TRIM65: variants seen among roughly 807,000 people sequenced by gnomAD.
TRIM65 encodes E3 ubiquitin-protein ligase TRIM65.
In TRIM65, 46 loss-of-function variants were observed where a neutral mutation model predicts 36.1. The ratio of observed to expected loss-of-function variants is 1.27; its 90% CI spans 1.01 to 1.63. TRIM65 has a LOEUF of 1.63. Among genes scored for constraint, TRIM65 ranks in the 40% most tolerant of loss-of-function variants. The pLI is 0.00. For synonymous variants in TRIM65, 346 were observed against 313.6 expected (o/e 1.10, Z -1.09); for missense variants, 708 against 696.6 (o/e 1.02, Z -0.18).
At position 75,896,712 on chromosome 17, in the gene TRIM65, C is replaced by G; in HGVS notation, c.226G>C (p.Gly76Arg). ...LSGVLEVVRA[G>R]PARDPGPDPG... is the part of the protein sequence containing the mutation. The stretch of plus-strand genomic sequence containing the variant: ...TCGGGGCCGGGATCCCGGGCGGGCC[C>G]GGCGCGCACCACCTCCAGCACGCCG... Residue 76 changes from glycine to arginine, a missense_variant, in exon 1 of 6, where the codon GGG (glycine) becomes CGG (arginine). Gly to Arg is a moderately radical substitution (Grantham distance 125). Transcript: ENST00000269383. 7.2e-7 allele frequency: 1 copy of G among 1,381,812 alleles called. No homozygotes were observed. Among genetic ancestry groups the G allele is most frequent in the Non-Finnish European group, 9.3e-7 (1 of 1,069,742 alleles). The allele number at this position is 1,381,812 out of a possible 1,614,324, so 85.6% of individuals were successfully genotyped here.
At chr17:75,883,815 C>T (rs2065185994) in intron 4 of TRIM65, among the ~76,000 whole-genome samples, 1 of 152,240 alleles carries the variant, frequency 6.6e-6, no homozygotes, top group South Asian at 2.1e-4. Flanking sequence ...GCGTGAGCCA[C>T]CGCGCCTGGC....
chr17:75,883,827 T>G (rs2065186214), intron 4 of TRIM65, among the ~76,000 whole-genome samples: 1 of 152,106 alleles, frequency 6.6e-6, no homozygotes, highest in Non-Finnish European at 1.5e-5. Flanking sequence ...GCGCCTGGCT[T>G]TTTATGTATT....
Position 75,892,046 on chromosome 17 carries a change from C to G in TRIM65, c.884G>C (p.Gly295Ala). Reference protein sequence around the residue: ...GLLLEEGSHPGAPAKPVDLAP... With the variant: ...GLLLEEGSHPAAPAKPVDLAP... ...TAAGTCCACAGGCTTGGCTGGTGCC[C>G]CAGGGTGGCTCCCCTCTTCCAAGAG... The change falls in exon 4 of 6, where the codon GGG (glycine) becomes GCG (alanine). Residue 295 changes from glycine (G) to alanine (A), a missense_variant. By Grantham distance (60) the Gly-to-Ala change is moderately conservative. Coordinates refer to ENST00000269383, the MANE Select transcript of TRIM65 (RefSeq NM_173547.4). The G allele has an allele frequency of 6.4e-7, 1 of 1,551,520 alleles. No individual in the cohort carries two copies. The highest frequency in any genetic ancestry group is 8.7e-7 in the Non-Finnish European group (1 of 1,146,984).
In TRIM65 at chr17:75,891,231, A is replaced by G. The variant is rs765351587; in HGVS notation, c.1102T>C (p.Phe368Leu). The G allele has an allele frequency of 2.3e-5, 37 of 1,612,624 alleles. No homozygotes were observed. The highest frequency in any genetic ancestry group is 3.1e-5 in the Non-Finnish European group (36 of 1,180,002). Residue 368 changes from phenylalanine (F) to leucine (L), a missense_variant, in exon 6 of 6, where the codon TTT becomes CTT. Transcript: ENST00000269383. ...QSRGPGGPGS[F>L]ELWQVQCAQS... ...GCACATTGCACCTGCCAGAGCTCAA[A>G]GCTGCCGGGCCCGCCTGGGCCCCGG...
intron 5 of TRIM65, 33 bp from the exon 6 acceptor site, chr17:75,891,380 G>T: frequency 6.2e-7 from 1 of 1,606,464 alleles, no homozygotes; most frequent in African/African-American, 1.3e-5. Context: ...AGTGGGCTGG[G>T]GGAAGACAGC....
rs2065250494 is a variant in TRIM65 at position 75,890,604 on chromosome 17, A to G, written c.*175T>C. On this transcript the variant is annotated 3_prime_UTR_variant, in exon 6 of 6. Transcript: ENST00000269383. ...CCCCCTCCTAGACTGTGTCCCCTTC[A>G]AAAAGGCTGCAACAGTGAACTCTGC... 5.3e-6 allele frequency: 3 copies of G among 568,668 alleles called. No individual in the cohort carries two copies. In the South Asian group the frequency reaches 8.4e-5, roughly 16 times the overall value. The allele number at this position is 568,668 out of a possible 1,614,324, so 35.2% of individuals were successfully genotyped here.
downstream of TRIM65, among the ~76,000 whole-genome samples, chr17:75,886,415 A>G (rs972336904): frequency 4.0e-5 from 6 of 149,798 alleles, no homozygotes; most frequent in Non-Finnish European, 3.0e-5. Flanking sequence ...CCAGCTACTC[A>G]GGAGGCTGAG....
chr17:75,891,307 A>T lies in TRIM65; in HGVS notation c.1026T>A (p.Arg342=). 1.9e-6 allele frequency: 3 copies of T among 1,613,188 alleles called. No individual in the cohort carries two copies. Among genetic ancestry groups the T allele is most frequent in the Non-Finnish European group, 2.5e-6 (3 of 1,179,996 alleles). ...NLTFDPVSAN[R]HFYLSRQDQQ... ...GGTCCTGGCGCGACAGATAGAAGTG[A>T]CGGTTGGCGCTGACTGGATCAAAGG... Residue 342 remains arginine (R), a synonymous_variant, in exon 6 of 6, where the codon CGT becomes CGA. Coordinates refer to ENST00000269383, the MANE Select transcript of TRIM65 (RefSeq NM_173547.4).
Position 75,888,996 on chromosome 17 carries a change from C to A in TRIM65, c.*1783G>T, listed in dbSNP as rs1432451596. On this transcript the variant is annotated 3_prime_UTR_variant, in exon 6 of 6. Transcript: ENST00000269383. ...AAAAGTTTTATTGTGAAATATTTAT[C>A]CATGAGTACATATAACATAGATGTC... 3 of 151,812 alleles carry A rather than the reference C, an allele frequency of 2.0e-5. No individual in the cohort carries two copies. The Middle Eastern group carries it at 0.01, about 516-fold the overall frequency. The allele number at this position is 151,812 out of a possible 1,614,324, so 9.4% of individuals were successfully genotyped here.
intron 1 of TRIM65, 72 bp downstream of exon 1, chr17:75,896,452 C>G (rs2065347729): frequency 7.8e-7 from 1 of 1,275,204 alleles, no homozygotes; most frequent in East Asian, 3.3e-5. Context: ...AGGGCGCGGC[C>G]CGCAGGAGTC....
Position 75,890,707 on chromosome 17 carries a change from A to G in TRIM65, c.*72T>C, listed in dbSNP as rs776161621. 47 of 1,330,066 alleles carry G rather than the reference A, an allele frequency of 3.5e-5. No homozygotes were observed. The highest frequency in any genetic ancestry group is 4.6e-5 in the Non-Finnish European group (46 of 1,008,240). 82.4% of individuals were successfully genotyped at this position (1,330,066 alleles called of 1,614,324 possible). A position where few individuals can be genotyped will look rare whatever the true frequency, so the allele number is the denominator to read the frequency against. On this transcript the variant is annotated 3_prime_UTR_variant, in exon 6 of 6. Coordinates refer to ENST00000269383, the MANE Select transcript of TRIM65 (RefSeq NM_173547.4). Reference sequence around the variant, plus strand: ...CCAACAGCTGGTCCTCCAGTCCCCAAGCTGAAGCTGGGCAGCTCTTGGGCA... The same window carrying G: ...CCAACAGCTGGTCCTCCAGTCCCCAGGCTGAAGCTGGGCAGCTCTTGGGCA...
At chr17:75,886,550 C>T (rs533973027), downstream of TRIM65, among the ~76,000 whole-genome samples, 3 of 147,572 alleles carry the variant, frequency 2.0e-5, no homozygotes, top group Admixed American at 6.8e-5. Context: ...AAACCAAAAA[C>T]GTCTTTCCTT....
chr17:75,887,090 G>A (rs372669703), downstream of TRIM65, among the ~76,000 whole-genome samples: 164 of 150,744 alleles, frequency 1.1e-3, 1 homozygote, highest in African/African-American at 3.6e-3. Flanking sequence ...CTTGAGCCCG[G>A]GAGGCAGAGG....
chr17:75,882,033 G>T lies in TRIM65; in HGVS notation c.350-1404C>A, dbSNP rs562125545. Among the ~76,000 whole-genome samples the T allele has an allele frequency of 2.8e-4, 42 of 150,480 alleles. 5 individuals are homozygous for T. The highest frequency in any genetic ancestry group is 1.0e-3 in the African/African-American group (40 of 39,910). ...TGGCTTTGGTGCCCAGGCTGCCTGG[G>T]TTTGGTGAGGCCACAAACCTGCCTG... On this transcript the variant is annotated intron_variant, in intron 4 of 4. Coordinates refer to the TRIM65 transcript ENST00000591668.
chr17:75,880,391 C>T lies in TRIM65; in HGVS notation c.*176G>A, dbSNP rs1379131427. The stretch of plus-strand genomic sequence containing the variant: ...TGTTGCCCACTCAAACTGCTGGGCT[C>T]GAGTAATCTGCCTGCCTCAGCCTCC... On this transcript the variant is annotated 3_prime_UTR_variant, in exon 5 of 5. Transcript: ENST00000591668. 2.7e-5 allele frequency: 4 copies of T among 145,578 alleles called. 1 individual carries two copies. Among genetic ancestry groups the T allele is most frequent in the African/African-American group, 8.1e-5 (3 of 37,120 alleles). The allele number at this position is 145,578 out of a possible 1,614,324, so 9.0% of individuals were successfully genotyped here.
At chr17:75,894,277 T>A (rs1365769708) in intron 1 of TRIM65, among the ~76,000 whole-genome samples, 1 of 152,050 alleles carries the variant, frequency 6.6e-6, no homozygotes, top group Non-Finnish European at 1.5e-5. Context: ...CCATCCTCCA[T>A]CCACGCCTTA....
At position 75,896,733 on chromosome 17, in the gene TRIM65, C is replaced by G; in HGVS notation, c.205G>C (p.Val69Leu). 1 of 1,453,922 alleles carries G rather than the reference C, an allele frequency of 6.9e-7. No individual in the cohort carries two copies. The highest frequency in any genetic ancestry group is 9.0e-7 in the Non-Finnish European group (1 of 1,106,214). The allele number at this position is 1,453,922 out of a possible 1,614,324, so 90.1% of individuals were successfully genotyped here. A position where few individuals can be genotyped will look rare whatever the true frequency, so the allele number is the denominator to read the frequency against. The change falls in exon 1 of 6, where the codon GTG becomes CTG. Residue 69 changes from valine to leucine, a missense_variant. Val to Leu is a conservative substitution (Grantham distance 32). Coordinates refer to ENST00000269383, the MANE Select transcript of TRIM65 (RefSeq NM_173547.4). ...ELRRNVALSG[V>L]LEVVRAGPAR... is the part of the protein sequence containing the mutation. ...GGCCCGGCGCGCACCACCTCCAGCA[C>G]GCCGCTGAGGGCCACGTTGCGGCGC...
At chr17:75,894,630 C>A (rs996946154) in intron 1 of TRIM65, among the ~76,000 whole-genome samples, 1 of 152,224 alleles carries the variant, frequency 6.6e-6, no homozygotes, top group African/African-American at 2.4e-5. Flanking sequence ...CCCGGGTTCA[C>A]GCCATTCTCC....
chr17:75,882,086 G>T (rs1007253897), intron 4 of TRIM65, among the ~76,000 whole-genome samples: 7 of 150,508 alleles, frequency 4.7e-5, no homozygotes, highest in Admixed American at 2.0e-4. Flanking sequence ...TGCCTTTCCG[G>T]TTGGGTCCCA....
Sources: allele counts gnomAD v4.1 joint callset (sites outside exome capture counted in the v4.1 genomes callset), GRCh38; gene constraint gnomAD v4.1.1; transcripts MANE v1.5; gene names NCBI Gene and HGNC (gene_info 2026-07-23, HGNC 2026-07-21).